The following SNX12 variants were observed in gnomAD, a reference collection of about 807,000 sequenced individuals.
SNX12 encodes the protein sorting nexin-12.
For missense variants in SNX12, 62 were observed against 141.3 expected, an observed-to-expected ratio of 0.44 and a Z score of 2.84; for synonymous variants, 47 against 56.0, an observed-to-expected ratio of 0.84 and a Z score of 0.71.
At chrX:71,061,810 G>A in intron 3 of SNX12, 33 bp downstream of exon 3, 1 of 1,184,827 alleles carries the variant, frequency 8.4e-7, no homozygotes, top group Non-Finnish European at 1.1e-6. Flanking sequence ...GATGGCAAAA[G>A]TAGCAAGTGG....
At chrX:71,062,305 C>T (rs1339279115) in intron 2 of SNX12, among the ~76,000 whole-genome samples, 1 of 108,407 alleles carries the variant, frequency 9.2e-6, no homozygotes, top group African/African-American at 3.4e-5. Context: ...AGTTGTACAA[C>T]TTTACTAGCG....
chrX:71,067,606 A>G (rs1298435585), intron 1 of SNX12, among the ~76,000 whole-genome samples: 1 of 112,101 alleles, frequency 8.9e-6, no homozygotes, highest in African/African-American at 3.2e-5. Context: ...TTCTGCTCCC[A>G]CAAGCCTACT....
intron 1 of SNX12, among the ~76,000 whole-genome samples, chrX:71,067,160 C>A (rs2092156750): frequency 8.9e-6 from 1 of 112,239 alleles, no homozygotes; most frequent in South Asian, 3.7e-4. Context: ...ATCCTGCAAA[C>A]CAAGTACTCT....
chrX:71,069,991 A>C (rs1207473449), upstream of SNX12, among the ~76,000 whole-genome samples: 1 of 111,484 alleles, frequency 9.0e-6, no homozygotes, highest in African/African-American at 3.3e-5. Context: ...AGAGAGCGAA[A>C]GAAAGAAAGA....
chrX:71,063,014 G>A, intron 1 of SNX12, 65 bp from the exon 2 acceptor site: 1 of 699,696 alleles, frequency 1.4e-6, no homozygotes, highest in Non-Finnish European at 2.2e-6. Flanking sequence ...CCACCTGTCT[G>A]AGTAACTTGG....
intron 1 of SNX12, among the ~76,000 whole-genome samples, chrX:71,063,158 A>C (rs2092138720): frequency 9.0e-6 from 1 of 111,645 alleles, no homozygotes; most frequent in Non-Finnish European, 1.9e-5. Context: ...TGCTGCTTTG[A>C]ATTTATCCTA....
At chrX:71,072,904 C>A (rs1312970035), upstream of SNX12, among the ~76,000 whole-genome samples, 1 of 86,479 alleles carries the variant, frequency 1.2e-5, no homozygotes, top group Non-Finnish European at 2.3e-5. Flanking sequence ...AGCTGGCTTC[C>A]ATACACACAC....
upstream of SNX12, among the ~76,000 whole-genome samples, chrX:71,070,653 T>A (rs190861531): frequency 2.7e-5 from 3 of 111,271 alleles, no homozygotes; most frequent in African/African-American, 9.8e-5. Flanking sequence ...GTTAGAGAGA[T>A]AGAGATATGA....
intron 1 of SNX12, among the ~76,000 whole-genome samples, chrX:71,065,880 G>A (rs2092151053): frequency 9.1e-6 from 1 of 109,657 alleles, no homozygotes; most frequent in African/African-American, 3.3e-5. Flanking sequence ...TCCAGAGGCT[G>A]AGGCAGGAGA....
chrX:71,072,254 T>C (rs1436065979), upstream of SNX12, among the ~76,000 whole-genome samples: 1 of 101,832 alleles, frequency 9.8e-6, no homozygotes, highest in East Asian at 3.0e-4. Context: ...CAAGACTCCA[T>C]CTTGGGGAAA....
intron 2 of SNX12, among the ~76,000 whole-genome samples, chrX:71,062,203 C>T (rs770232741): frequency 9.0e-6 from 1 of 110,717 alleles, no homozygotes; most frequent in Non-Finnish European, 1.9e-5. Flanking sequence ...TCCAAATAAT[C>T]CTCACTTTCC....
At chrX:71,064,245 C>T (rs976512379) in intron 1 of SNX12, among the ~76,000 whole-genome samples, 1 of 111,625 alleles carries the variant, frequency 9.0e-6, no homozygotes, top group African/African-American at 3.3e-5. Flanking sequence ...CTGTCCAAAT[C>T]CTCTCCATTC....
chrX:71,068,492 C>G (rs934366040), upstream of SNX12: 14 of 314,089 alleles, frequency 4.5e-5, no homozygotes, highest in East Asian at 1.5e-4. Flanking sequence ...GAATAGCGGC[C>G]GTGCTGACTG....
At chrX:71,063,013 T>C in intron 1 of SNX12, 64 bp from the exon 2 acceptor site, 4 of 716,019 alleles carry the variant, frequency 5.6e-6, no homozygotes, top group Non-Finnish European at 6.4e-6. Flanking sequence ...GCCACCTGTC[T>C]GAGTAACTTG....
In SNX12 at chrX:71,062,936, A is replaced by G; in HGVS notation, c.179T>C (p.Ile60Thr). ...TACGCAGGACTCCTTTAGCTTGAAG[A>G]TAGGTAGGTTTGTCTACATGGAAGG... The part of the protein sequence containing the change: ...YEVRMRTNLP[I>T]FKLKESCVRR... Residue 60 changes from isoleucine to threonine, a missense_variant, in exon 2 of 4, where the codon ATC becomes ACC. Ile to Thr is a moderately conservative substitution (Grantham distance 89, BLOSUM62 -1). Coordinates refer to ENST00000374274, the MANE Select transcript of SNX12 (RefSeq NM_013346.4). The G allele has an allele frequency of 8.3e-7, 1 of 1,197,726 alleles. No homozygotes were observed. The highest frequency in any genetic ancestry group is 1.8e-5 in the South Asian group (1 of 56,406).
rs1877152626 is a variant in SNX12, at chrX:71,059,480, G to C, written c.*1536C>G. On this transcript the variant is annotated 3_prime_UTR_variant, in exon 4 of 4. Coordinates refer to ENST00000374274, the MANE Select transcript of SNX12 (RefSeq NM_013346.4). ...AACAACATTGGCGAGGTGGGAAAGG[G>C]AGCAGAGCCTCTCATTAGGGGCTGC... The C allele has an allele frequency of 8.9e-6, 1 of 112,063 alleles. No homozygotes were observed. Among genetic ancestry groups the C allele is most frequent in the Non-Finnish European group, 1.9e-5 (1 of 53,233 alleles). The allele number at this position is 112,063 out of a possible 1,213,427, so 9.2% of individuals were successfully genotyped here. A position where few individuals can be genotyped will look rare whatever the true frequency, so the allele number is the denominator to read the frequency against.
At chrX:71,071,544 T>TTATATAAATATATAATATTTATATATTA (rs2092171961), upstream of SNX12, among the ~76,000 whole-genome samples, 8 of 36,723 alleles carry the variant, frequency 2.2e-4, no homozygotes, top group Non-Finnish European at 3.2e-4. Context: ...TTTATATATA[T>TTATATAAATATATAATATTTATATATTA]TATATATAAA....
rs2092160610 is a variant in SNX12, at chrX:71,068,069, G to A, written c.165+73C>T. 4.2e-6 allele frequency: 4 copies of A among 945,882 alleles called. No individual in the cohort carries two copies. In the East Asian group the frequency reaches 1.1e-4, roughly 26 times the overall value. The allele number at this position is 945,882 out of a possible 1,213,427, so 78.0% of individuals were successfully genotyped here. On this transcript the variant is annotated intron_variant, in intron 1 of 3. Coordinates refer to ENST00000374274, the MANE Select transcript of SNX12 (RefSeq NM_013346.4). Reference sequence around the variant, plus strand: ...CTTCCCCGCCGTTAGTTGCCCCCGCGGTAGCCTCCCTCCCCCCTCCCGCTC... The same window carrying A: ...CTTCCCCGCCGTTAGTTGCCCCCGCAGTAGCCTCCCTCCCCCCTCCCGCTC...
intron 1 of SNX12, among the ~76,000 whole-genome samples, chrX:71,066,460 T>C (rs2092153722): frequency 9.1e-6 from 1 of 109,956 alleles, no homozygotes; most frequent in Non-Finnish European, 1.9e-5. Flanking sequence ...CATGGTGGCA[T>C]GTGCCTGTAA....
Sources: allele counts gnomAD v4.1 joint callset (sites outside exome capture counted in the v4.1 genomes callset), GRCh38; gene constraint gnomAD v4.1.1; transcripts MANE v1.5; gene names NCBI Gene and HGNC (gene_info 2026-07-23, HGNC 2026-07-21).